The following PICALM variants were observed in gnomAD, a reference collection of about 807,000 sequenced individuals.
PICALM encodes the protein phosphatidylinositol binding clathrin assembly protein, also known as phosphatidylinositol-binding clathrin assembly protein.
Under a neutral mutation model 80.5 loss-of-function variants are expected in PICALM, and 40 were observed. That is an observed-to-expected ratio of 0.50 (90% confidence interval 0.39 to 0.65). The LOEUF (loss-of-function observed/expected upper bound fraction) is 0.65, where lower values mean the gene tolerates loss of function less well. Among genes scored for constraint, PICALM ranks in the 30% least tolerant of loss-of-function variants. The probability of loss-of-function intolerance (pLI) is 0.00; values close to 1 mark genes in which losing one functional copy is unlikely to be tolerated. For missense variants in PICALM, 676 were observed against 778.9 expected, an observed-to-expected ratio of 0.87 and a Z score of 1.57; for synonymous variants, 288 against 260.3, an observed-to-expected ratio of 1.11 and a Z score of -1.02.
At chr11:86,036,381 G>A (rs538862703) in intron 1 of PICALM, among the ~76,000 whole-genome samples, 2 of 152,240 alleles carry the variant, frequency 1.3e-5, no homozygotes, top group South Asian at 2.1e-4. Context: ...AGTTCATGGG[G>A]TCTTCTGTGA....
chr11:86,014,271 A>G (rs555685700), intron 5 of PICALM, among the ~76,000 whole-genome samples: 6 of 152,336 alleles, frequency 3.9e-5, no homozygotes, highest in Admixed American at 2.0e-4. Flanking sequence ...TCTAAAACAA[A>G]ATGACAAATA....
chr11:86,005,591 G>C (rs2095259605), intron 8 of PICALM, among the ~76,000 whole-genome samples: 1 of 152,018 alleles, frequency 6.6e-6, no homozygotes, highest in South Asian at 2.1e-4. Flanking sequence ...TGTGGTCCCA[G>C]CTACAAAGGA....
At chr11:86,016,437 C>T (rs1477517275) in intron 4 of PICALM, among the ~76,000 whole-genome samples, 2 of 152,210 alleles carry the variant, frequency 1.3e-5, no homozygotes, top group East Asian at 3.8e-4. Context: ...TTCAATGTTT[C>T]AACTCCACCA....
At chr11:85,987,224 T>C (rs1243181045) in intron 13 of PICALM, among the ~76,000 whole-genome samples, 1 of 152,188 alleles carries the variant, frequency 6.6e-6, no homozygotes, top group African/African-American at 2.4e-5. Flanking sequence ...GACATAGTTA[T>C]TATTATCCCT....
At chr11:85,981,830 A>C in intron 15 of PICALM, 42 bp downstream of exon 15, 1 of 1,612,368 alleles carries the variant, frequency 6.2e-7, no homozygotes, top group Non-Finnish European at 8.5e-7. Context: ...CAGTTTAATA[A>C]AACAACATAA....
In PICALM at chr11:85,975,633, G is replaced by A. The variant is rs1416981721; in HGVS notation, c.1840-821C>T. On this transcript the variant is annotated intron_variant, in intron 18 of 19. Transcript: ENST00000393346. ...TTTTTTTGAGATGGAGTCTTGCTCCGTTGCCCAGACTGGAGTGCAGTGGCA... is the reference window on the plus strand; with the variant it reads ...TTTTTTTGAGATGGAGTCTTGCTCCATTGCCCAGACTGGAGTGCAGTGGCA... Among the ~76,000 whole-genome samples, 7 of 110,736 alleles carry A rather than the reference G, an allele frequency of 6.3e-5. No homozygotes were observed. In the Admixed American group the frequency reaches 7.3e-4, roughly 12 times the overall value. 72.6% of individuals were successfully genotyped at this position (110,736 alleles called of 152,430 possible).
chr11:86,042,591 A>G (rs982567473), intron 1 of PICALM, among the ~76,000 whole-genome samples: 4 of 150,562 alleles, frequency 2.7e-5, no homozygotes, highest in African/African-American at 9.8e-5. Flanking sequence ...AATTACAAAC[A>G]CTTTTTTGTA....
chr11:86,022,348 CA>C lies in PICALM; in HGVS notation c.452+18del. On this transcript the variant is annotated intron_variant, in intron 4 of 19. Coordinates refer to ENST00000393346, the MANE Select transcript of PICALM (RefSeq NM_007166.4). ...TTAAAAATTCAAATCAATTAGATGTCAAAAAAAGCTTAACTCACCCTCTCTT... is the reference window on the plus strand; with the variant it reads ...TTAAAAATTCAAATCAATTAGATGTCAAAAAAGCTTAACTCACCCTCTCTT... The C allele has an allele frequency of 1.8e-5, 24 of 1,319,952 alleles. No individual in the cohort carries two copies. The highest frequency in any genetic ancestry group is 7.9e-5 in the Admixed American group (4 of 50,396). The allele number at this position is 1,319,952 out of a possible 1,614,324, so 81.8% of individuals were successfully genotyped here.
intron 1 of PICALM, among the ~76,000 whole-genome samples, chr11:86,035,513 A>G (rs1337378568): frequency 6.6e-6 from 1 of 152,210 alleles, no homozygotes; most frequent in African/African-American, 2.4e-5. Context: ...ACATACCACA[A>G]TCACTTAGCC....
intron 2 of PICALM, among the ~76,000 whole-genome samples, chr11:86,026,780 C>T (rs1391833810): frequency 1.3e-5 from 2 of 152,174 alleles, no homozygotes; most frequent in Non-Finnish European, 2.9e-5. Flanking sequence ...GATCCTCTTA[C>T]CCACTGTCCA....
At position 85,958,343 on chromosome 11, in the gene PICALM, T is replaced by G; in HGVS notation, c.*703A>C. The G allele has an allele frequency of 4.7e-6, 1 of 213,702 alleles. No individual in the cohort carries two copies. The highest frequency in any genetic ancestry group is 9.5e-6 in the Non-Finnish European group (1 of 105,452). The allele number at this position is 213,702 out of a possible 1,614,324, so 13.2% of individuals were successfully genotyped here. On this transcript the variant is annotated 3_prime_UTR_variant, in exon 20 of 20. Transcript: ENST00000393346. ...AGAGATTCAGACCTATGGACTTGCC[T>G]TAAAATATTTAGTGCTCTGTATGTC... is the stretch of plus-strand genomic sequence containing the variant.
rs1698074652 is a variant in PICALM, at chr11:85,966,755, A to C, written c.1945-7695T>G. On this transcript the variant is annotated intron_variant, in intron 19 of 19. Coordinates refer to ENST00000393346, the MANE Select transcript of PICALM (RefSeq NM_007166.4). ...CCCTAATTTGATGACCAGTGTCCTTATAAGGAGAGGCACGTGGAGGTAGAG... is the reference window on the plus strand; with the variant it reads ...CCCTAATTTGATGACCAGTGTCCTTCTAAGGAGAGGCACGTGGAGGTAGAG... Among the ~76,000 whole-genome samples the C allele has an allele frequency of 2.0e-5, 3 of 152,218 alleles. No homozygotes were observed. In the South Asian group the frequency reaches 6.2e-4, roughly 32 times the overall value.
chr11:86,003,318 G>A (rs2095196568), intron 9 of PICALM, 48 bp downstream of exon 9: 2 of 1,103,824 alleles, frequency 1.8e-6, no homozygotes, highest in Admixed American at 1.8e-5. Flanking sequence ...TTCATCTACT[G>A]CCTCAGAAAA....
intron 19 of PICALM, among the ~76,000 whole-genome samples, chr11:85,968,947 AACACACACACACACACACACAC>A (rs57641869): frequency 0.049 from 7,008 of 144,072 alleles, 277 homozygotes; most frequent in African/African-American, 0.11. Flanking sequence ...AAAATGACTC[AACACACACACACACACACACAC>A]ACACACACAC....
intron 12 of PICALM, among the ~76,000 whole-genome samples, chr11:85,993,395 TAA>T: frequency 6.6e-6 from 1 of 152,074 alleles, no homozygotes; most frequent in Non-Finnish European, 1.5e-5. Context: ...CTAAAATTTT[TAA>T]ATATAGTTTT....
At chr11:86,055,537 T>G (rs1265344638) in intron 1 of PICALM, among the ~76,000 whole-genome samples, 4 of 152,242 alleles carry the variant, frequency 2.6e-5, no homozygotes, top group Admixed American at 2.6e-4. Context: ...ATCACCAAAC[T>G]ATACCCAGTA....
At chr11:85,969,789 T>C (rs923231167) in intron 19 of PICALM, 1 of 206,086 alleles carries the variant, frequency 4.9e-6, no homozygotes, top group Non-Finnish European at 1.0e-5. Flanking sequence ...AAAGTGCTAG[T>C]ATTACAGACA....
chr11:86,057,315 C>T (rs1191175664), intron 1 of PICALM, among the ~76,000 whole-genome samples: 7 of 152,038 alleles, frequency 4.6e-5, no homozygotes, highest in Admixed American at 4.6e-4. Context: ...GAGAGGCAGG[C>T]GGATCACGAG....
At chr11:86,015,880 C>T (rs1228522320) in intron 4 of PICALM, among the ~76,000 whole-genome samples, 1 of 152,206 alleles carries the variant, frequency 6.6e-6, no homozygotes, top group Non-Finnish European at 1.5e-5. Flanking sequence ...TGAACTATGA[C>T]CTCAGACGCC....
Sources: gnomAD v4.1 joint callset for allele counts (sites outside exome capture counted in the v4.1 genomes callset) on GRCh38, gnomAD v4.1.1 for gene constraint, MANE v1.5 for transcripts, NCBI Gene and HGNC (gene_info 2026-07-23, HGNC 2026-07-21) for gene names.